The following IFT80 variants were observed in gnomAD, a reference collection of about 807,000 sequenced individuals.
The protein encoded by IFT80 is intraflagellar transport protein 80 homolog.
In IFT80, 79 loss-of-function variants were observed where a neutral mutation model predicts 107.9. The observed-to-expected ratio is 0.73, with a 90% CI of 0.61 to 0.88. The LOEUF is 0.88. IFT80 is among the 40% of genes least tolerant of loss of function. IFT80 has a pLI of 0.00. For missense variants in IFT80, 797 were observed against 914.2 expected (o/e 0.87, Z 1.65); for synonymous variants, 299 against 300.9 (o/e 0.99, Z 0.07).
At chr3:160,363,003 G>A (rs1310964703) in intron 6 of IFT80, among the ~76,000 whole-genome samples, 1 of 152,118 alleles carries the variant, frequency 6.6e-6, no homozygotes, top group Non-Finnish European at 1.5e-5. Flanking sequence ...ACATAGTGTT[G>A]GAAGTTCTGG....
chr3:160,304,021 C>T, intron 10 of IFT80, 32 bp from the exon 11 acceptor site: 1 of 1,352,588 alleles, frequency 7.4e-7, no homozygotes. Flanking sequence ...TATTTATTAA[C>T]ATTTAAAATA....
chr3:160,350,757 G>C (rs1720637445), intron 8 of IFT80, among the ~76,000 whole-genome samples: 1 of 152,050 alleles, frequency 6.6e-6, no homozygotes, highest in African/African-American at 2.4e-5. Flanking sequence ...GGAAATTGCA[G>C]TGAGCCGAGA....
At chr3:160,306,805 C>T (rs1012424369) in intron 10 of IFT80, among the ~76,000 whole-genome samples, 9 of 151,990 alleles carry the variant, frequency 5.9e-5, no homozygotes, top group Admixed American at 2.6e-4. Flanking sequence ...ACTTGGATAC[C>T]AAGATGATGC....
intron 4 of IFT80, 143 bp downstream of exon 4, chr3:160,377,287 T>C (rs1712100610): frequency 1.7e-6 from 1 of 594,440 alleles, no homozygotes; most frequent in Non-Finnish European, 3.0e-6. Flanking sequence ...TTGTAACATT[T>C]ATATAGCAGT....
intron 8 of IFT80, among the ~76,000 whole-genome samples, chr3:160,321,245 G>C (rs1362017012): frequency 2.6e-5 from 4 of 151,844 alleles, no homozygotes; most frequent in African/African-American, 9.7e-5. Flanking sequence ...AACCTGCTTT[G>C]GGCGATAAAA....
chr3:160,360,807 C>T (rs1488678148), intron 6 of IFT80, among the ~76,000 whole-genome samples: 1 of 152,090 alleles, frequency 6.6e-6, no homozygotes, highest in African/African-American at 2.4e-5. Context: ...CAAGCAAATG[C>T]TGAGAGATTT....
Position 160,399,215 on chromosome 3 carries a change from C to T in IFT80, c.-116G>A, listed in dbSNP as rs1322990689. 6.6e-6 allele frequency: 1 copy of T among 152,166 alleles called. No individual in the cohort carries two copies. The highest frequency in any genetic ancestry group is 1.5e-5 in the Non-Finnish European group (1 of 68,050). 9.4% of individuals were successfully genotyped at this position (152,166 alleles called of 1,614,324 possible). Reference sequence around the variant, plus strand: ...TACCTCCCCGTCACCATAGTGACTTCTAAGAGTTACGCTCCCTTCCTCTTC... The same window carrying T: ...TACCTCCCCGTCACCATAGTGACTTTTAAGAGTTACGCTCCCTTCCTCTTC... On this transcript the variant is annotated 5_prime_UTR_variant, in exon 1 of 20. Coordinates refer to ENST00000326448, the MANE Select transcript of IFT80 (RefSeq NM_020800.3).
At chr3:160,258,776 AAAAG>A (rs1257649678) in intron 19 of IFT80, 141 bp from the exon 20 acceptor site, 21 of 1,150,198 alleles carry the variant, frequency 1.8e-5, no homozygotes, top group Non-Finnish European at 2.6e-5. Context: ...AGATTAGAGA[AAAAG>A]AGAGCATCAA....
At chr3:160,374,371 T>C (rs1381986482) in intron 5 of IFT80, among the ~76,000 whole-genome samples, 1 of 148,616 alleles carries the variant, frequency 6.7e-6, no homozygotes, top group Non-Finnish European at 1.5e-5. Flanking sequence ...ATGGTGCCAC[T>C]GTACTCCAGT....
At chr3:160,311,320 G>A (rs1245223697) in intron 9 of IFT80, among the ~76,000 whole-genome samples, 1 of 152,102 alleles carries the variant, frequency 6.6e-6, no homozygotes, top group Non-Finnish European at 1.5e-5. Context: ...AATGCAATGT[G>A]GGGCTTTATT....
intron 9 of IFT80, among the ~76,000 whole-genome samples, chr3:160,309,539 T>G (rs568894311): frequency 1.3e-5 from 2 of 151,988 alleles, no homozygotes; most frequent in South Asian, 4.2e-4. Flanking sequence ...TACAAAAAAT[T>G]AGCCAGGCGT....
At chr3:160,357,686 C>T (rs1157784558) in intron 6 of IFT80, 108 bp from the exon 7 acceptor site, 1 of 677,830 alleles carries the variant, frequency 1.5e-6, no homozygotes, top group Non-Finnish European at 2.6e-6. Flanking sequence ...GTCATCTTCT[C>T]AGGGATTCCT....
At chr3:160,377,696 AAAAC>A in intron 3 of IFT80, 156 bp from the exon 4 acceptor site, 1 of 483,618 alleles carries the variant, frequency 2.1e-6, no homozygotes, top group South Asian at 3.6e-5. Flanking sequence ...AATAGGCACA[AAAAC>A]AAAATTATTT....
intron 8 of IFT80, among the ~76,000 whole-genome samples, chr3:160,354,366 T>C (rs1720915004): frequency 6.6e-6 from 1 of 152,026 alleles, no homozygotes; most frequent in South Asian, 2.1e-4. Context: ...GAGTGGAACT[T>C]GGGCCGGGCT....
intron 6 of IFT80, among the ~76,000 whole-genome samples, chr3:160,363,839 C>T (rs1001168205): frequency 1.1e-4 from 17 of 152,136 alleles, no homozygotes; most frequent in Non-Finnish European, 2.4e-4. Flanking sequence ...CTTCCTTACA[C>T]CTTATACAAA....
intron 6 of IFT80, among the ~76,000 whole-genome samples, chr3:160,358,323 A>AT (rs886892149): frequency 1.3e-3 from 190 of 147,142 alleles, no homozygotes; most frequent in African/African-American, 4.3e-3. Context: ...CCCCTCAACC[A>AT]TTTTTTTTTT....
At chr3:160,329,961 T>C (rs1260595226) in intron 8 of IFT80, among the ~76,000 whole-genome samples, 1 of 152,188 alleles carries the variant, frequency 6.6e-6, no homozygotes, top group African/African-American at 2.4e-5. Context: ...ACTCTCACTT[T>C]AAGATGTTAC....
chr3:160,343,221 T>G (rs764218054), intron 8 of IFT80, among the ~76,000 whole-genome samples: 2 of 152,206 alleles, frequency 1.3e-5, no homozygotes, highest in Non-Finnish European at 2.9e-5. Flanking sequence ...GGTAAGTCAC[T>G]GCAATTATTT....
Position 160,258,361 on chromosome 3 carries a change from C to A in IFT80, c.*164G>T. On this transcript the variant is annotated 3_prime_UTR_variant, in exon 20 of 20. Coordinates refer to ENST00000326448, the MANE Select transcript of IFT80 (RefSeq NM_020800.3). ...ATAAAAGATAGAAATACATCAATTA[C>A]TTTGTGTTTCATCTTTCTGCATGTA... is the stretch of plus-strand genomic sequence containing the variant. 1 of 817,896 alleles carries A rather than the reference C, an allele frequency of 1.2e-6. No homozygotes were observed. Among genetic ancestry groups the A allele is most frequent in the Non-Finnish European group, 1.9e-6 (1 of 523,086 alleles). The allele number at this position is 817,896 out of a possible 1,614,324, so 50.7% of individuals were successfully genotyped here.
Sources: gnomAD v4.1 joint callset for allele counts (sites outside exome capture counted in the v4.1 genomes callset) on GRCh38, gnomAD v4.1.1 for gene constraint, MANE v1.5 for transcripts, NCBI Gene and HGNC (gene_info 2026-07-23, HGNC 2026-07-21) for gene names.